FREM2: variants seen among roughly 807,000 people sequenced by gnomAD.
The protein encoded by FREM2 is FRAS1-related extracellular matrix protein 2.
Under a neutral mutation model 219.9 loss-of-function variants are expected in FREM2, and 119 were observed. The ratio of observed to expected loss-of-function variants is 0.54; its 90% CI spans 0.47 to 0.63. The LOEUF is 0.63. FREM2 is among the 30% of genes least tolerant of loss of function. The pLI is 0.00. For synonymous variants in FREM2, 1,562 were observed against 1,522.8 expected (o/e 1.03, Z -0.60); for missense variants, 4,030 against 3,993.6 (o/e 1.01, Z -0.25).
chr13:38,690,625 A>G lies in FREM2; in HGVS notation c.3281A>G (p.Asp1094Gly), dbSNP rs1186174367. 6.2e-7 allele frequency: 1 copy of G among 1,613,968 alleles called. No homozygotes were observed. The highest frequency in any genetic ancestry group is 1.1e-5 in the South Asian group (1 of 91,088). ...VITSVHISAE[D>G]VDSLNDDILC... Reference sequence around the variant, plus strand: ...ACATCAGTGCATATAAGTGCTGAAGATGTCGACTCCCTGAATGATGACATC... The same window carrying G: ...ACATCAGTGCATATAAGTGCTGAAGGTGTCGACTCCCTGAATGATGACATC... Residue 1094 changes from aspartate (D) to glycine (G), a missense_variant, in exon 1 of 24, where the codon GAT (aspartate) becomes GGT (glycine). Asp to Gly is a moderately conservative substitution (Grantham distance 94). Transcript: ENST00000280481.
chr13:38,708,218 G>C lies in FREM2; in HGVS notation c.5263+10431G>C, dbSNP rs377572136. 4.4e-4 allele frequency among the ~76,000 whole-genome samples: 67 copies of C among 152,336 alleles called. No individual in the cohort carries two copies. In the South Asian group the frequency reaches 0.014, roughly 31 times the overall value. On this transcript the variant is annotated intron_variant, in intron 2 of 23. Transcript: ENST00000280481. Reference sequence around the variant, plus strand: ...TTTCATTGATATACCCTCAGTGCCTGAGTACATATAGGTGCTCGATAAATA... The same window carrying C: ...TTTCATTGATATACCCTCAGTGCCTCAGTACATATAGGTGCTCGATAAATA...
intron 2 of FREM2, among the ~76,000 whole-genome samples, chr13:38,717,287 G>C (rs1003737694): frequency 1.2e-4 from 18 of 151,986 alleles, no homozygotes; most frequent in African/African-American, 4.3e-4. Flanking sequence ...CCACATGGAA[G>C]TATATAGAAG....
intron 14 of FREM2, among the ~76,000 whole-genome samples, chr13:38,860,990 A>C (rs1193955429): frequency 1.3e-5 from 2 of 152,246 alleles, no homozygotes; most frequent in Non-Finnish European, 2.9e-5. Flanking sequence ...ACTTATAAGT[A>C]ATGTAAACAT....
chr13:38,878,407 C>A, intron 22 of FREM2, 86 bp downstream of exon 22: 1 of 689,112 alleles, frequency 1.5e-6, no homozygotes, highest in Non-Finnish European at 2.4e-6. Flanking sequence ...AGGCTGGGCA[C>A]AGTGGCCACA....
At chr13:38,768,648 T>A (rs1306825461) in intron 3 of FREM2, among the ~76,000 whole-genome samples, 1 of 152,204 alleles carries the variant, frequency 6.6e-6, no homozygotes, top group African/African-American at 2.4e-5. Flanking sequence ...TAGAGAAATA[T>A]ATTTGAAAAT....
Position 38,810,014 on chromosome 13 carries a change from T to C in FREM2, c.6019+25206T>C, listed in dbSNP as rs117698855. Among the ~76,000 whole-genome samples the C allele has an allele frequency of 9.9e-4, 151 of 152,166 alleles. 3 individuals carry two copies. The East Asian group carries it at 0.029, about 29-fold the overall frequency. ...CTCAATTTCTTTCATCAGTGTTTTA[T>C]GGTTTTGTTGTAGAGCTCTTTCATT... On this transcript the variant is annotated intron_variant, in intron 6 of 23. Coordinates refer to ENST00000280481, the MANE Select transcript of FREM2 (RefSeq NM_207361.6).
At chr13:38,765,011 C>T (rs755253030) in intron 3 of FREM2, among the ~76,000 whole-genome samples, 4 of 152,104 alleles carry the variant, frequency 2.6e-5, no homozygotes, top group East Asian at 1.9e-4. Flanking sequence ...CCCAGGTTCA[C>T]GCCATTCTCC....
At chr13:38,862,396 C>T (rs1045659576) in intron 15 of FREM2, among the ~76,000 whole-genome samples, 2 of 152,132 alleles carry the variant, frequency 1.3e-5, no homozygotes, top group South Asian at 2.1e-4. Flanking sequence ...GTCTGTAGGT[C>T]CATGTGGAGG....
chr13:38,754,206 G>A (rs999609820), intron 2 of FREM2, among the ~76,000 whole-genome samples: 16 of 152,066 alleles, frequency 1.1e-4, no homozygotes, highest in African/African-American at 2.9e-4. Context: ...CCTAGCTTGC[G>A]TTAATTTTTT....
At chr13:38,839,512 C>T (rs1201633154) in intron 6 of FREM2, among the ~76,000 whole-genome samples, 1 of 152,218 alleles carries the variant, frequency 6.6e-6, no homozygotes, top group East Asian at 1.9e-4. Context: ...CTTCTGCTCT[C>T]TTCAGAACTG....
intron 6 of FREM2, among the ~76,000 whole-genome samples, chr13:38,833,717 T>C (rs1876599338): frequency 1.3e-5 from 2 of 152,212 alleles, no homozygotes; most frequent in Admixed American, 1.3e-4. Context: ...TGTCCATCTA[T>C]AGGTAGATGA....
chr13:38,829,887 T>C (rs1436238987), intron 6 of FREM2, among the ~76,000 whole-genome samples: 1 of 152,102 alleles, frequency 6.6e-6, no homozygotes, highest in Non-Finnish European at 1.5e-5. Flanking sequence ...TCAAAAGTTG[T>C]TTCTCTGCAA....
At chr13:38,820,140 A>G (rs9532283) in intron 6 of FREM2, among the ~76,000 whole-genome samples, 73,736 of 151,962 alleles carry the variant, frequency 0.49, 18,111 homozygotes, top group Middle Eastern at 0.53. Flanking sequence ...TTATTAGTGC[A>G]GTCTCAATCT....
At chr13:38,725,265 G>A (rs1230235043) in intron 2 of FREM2, among the ~76,000 whole-genome samples, 1 of 152,190 alleles carries the variant, frequency 6.6e-6, no homozygotes, top group Admixed American at 6.5e-5. Context: ...TGAAGAAAAA[G>A]TGGCCTCTCT....
At chr13:38,741,528 G>A (rs1872248268) in intron 2 of FREM2, among the ~76,000 whole-genome samples, 1 of 152,140 alleles carries the variant, frequency 6.6e-6, no homozygotes, top group Non-Finnish European at 1.5e-5. Flanking sequence ...TCAATTCAGG[G>A]TGCAGACTGC....
chr13:38,690,639 A>C lies in FREM2; in HGVS notation c.3295A>C (p.Asn1099His), dbSNP rs1224469643. 6.2e-7 allele frequency: 1 copy of C among 1,613,688 alleles called. No individual in the cohort carries two copies. The highest frequency in any genetic ancestry group is 8.5e-7 in the Non-Finnish European group (1 of 1,179,892). The change falls in exon 1 of 24, where the codon AAT becomes CAT. Residue 1099 changes from asparagine to histidine, a missense_variant. Around this residue, in one of 2 missense-constraint regions of FREM2, gnomAD observed 3,102 missense variants for 2,950.7 expected, o/e 1.05. Coordinates refer to ENST00000280481, the MANE Select transcript of FREM2 (RefSeq NM_207361.6). Reference sequence around the variant, plus strand: ...AAGTGCTGAAGATGTCGACTCCCTGAATGATGACATCTTGTGCACTATAGT... The same window carrying C: ...AAGTGCTGAAGATGTCGACTCCCTGCATGATGACATCTTGTGCACTATAGT... ...HISAEDVDSL[N>H]DDILCTIVIQ...
intron 6 of FREM2, among the ~76,000 whole-genome samples, chr13:38,823,335 T>A (rs796302311): frequency 6.6e-6 from 1 of 151,948 alleles, no homozygotes; most frequent in South Asian, 2.1e-4. Context: ...ACCAGACCAT[T>A]CATCCTCCAG....
chr13:38,870,196 TC>T (rs1218001398), intron 16 of FREM2, among the ~76,000 whole-genome samples: 1 of 152,210 alleles, frequency 6.6e-6, no homozygotes, highest in East Asian at 1.9e-4. Flanking sequence ...CATTTTTCCA[TC>T]CCATTGTTTT....
intron 11 of FREM2, among the ~76,000 whole-genome samples, chr13:38,855,464 C>T (rs1422990323): frequency 6.6e-6 from 1 of 151,990 alleles, no homozygotes; most frequent in East Asian, 1.9e-4. Context: ...TGATTCTATC[C>T]CAATATTAGA....
Sources: gnomAD v4.1 joint callset for allele counts (sites outside exome capture counted in the v4.1 genomes callset) on GRCh38, gnomAD v4.1.1 for gene constraint, gnomAD v4.1.1 regional missense constraint, MANE v1.5 for transcripts, NCBI Gene and HGNC (gene_info 2026-07-23, HGNC 2026-07-21) for gene names.